The following SDK2 variants were observed in gnomAD, a reference collection of about 807,000 sequenced individuals.
The protein encoded by SDK2 is sidekick cell adhesion molecule 2.
A neutral mutation model predicts 253.9 loss-of-function variants in SDK2; 105 were observed. That is an observed-to-expected ratio of 0.41 (90% CI 0.35 to 0.49). SDK2 has a LOEUF of 0.49. Among genes scored for constraint, SDK2 ranks in the 20% least tolerant of loss-of-function variants. The pLI is 0.06. For synonymous variants in SDK2, 1,249 were observed against 1,234.9 expected, an observed-to-expected ratio of 1.01 and a Z score of -0.24; for missense variants, 2,608 against 3,003.0, an observed-to-expected ratio of 0.87 and a Z score of 3.07.
chr17:73,537,282 G>A (rs912927808), intron 1 of SDK2, among the ~76,000 whole-genome samples: 1 of 152,302 alleles, frequency 6.6e-6, no homozygotes, highest in East Asian at 1.9e-4. Flanking sequence ...AAATGGCCGC[G>A]TCTGTTAACG....
chr17:73,384,540 G>A (rs777040132), intron 32 of SDK2, among the ~76,000 whole-genome samples: 5 of 152,150 alleles, frequency 3.3e-5, no homozygotes, highest in African/African-American at 7.2e-5. Flanking sequence ...TTCCTCTCCC[G>A]TCTACAGCTT....
At chr17:73,449,602 CTTTTTTTTTTT>C (rs33923010) in intron 4 of SDK2, among the ~76,000 whole-genome samples, 3 of 94,342 alleles carry the variant, frequency 3.2e-5, no homozygotes, top group Non-Finnish European at 6.4e-5. Context: ...CCCCCCACCT[CTTTTTTTTTTT>C]TTTTTTTTTT....
At chr17:73,345,155 C>A (rs1218519978) in intron 44 of SDK2, among the ~76,000 whole-genome samples, 2 of 152,072 alleles carry the variant, frequency 1.3e-5, no homozygotes, top group African/African-American at 4.8e-5. Flanking sequence ...CCCGTCTTTA[C>A]TAAAAATACA....
chr17:73,482,220 A>G (rs1392439587), intron 2 of SDK2, among the ~76,000 whole-genome samples: 1 of 152,074 alleles, frequency 6.6e-6, no homozygotes, highest in Non-Finnish European at 1.5e-5. Context: ...GGTTGCAGTG[A>G]GCCAAGATCA....
chr17:73,595,131 G>T (rs2045737159), intron 1 of SDK2, among the ~76,000 whole-genome samples: 1 of 152,182 alleles, frequency 6.6e-6, no homozygotes, highest in Non-Finnish European at 1.5e-5. Flanking sequence ...CATTGGGTGG[G>T]CACTTGCTGA....
intron 36 of SDK2, among the ~76,000 whole-genome samples, chr17:73,370,643 T>C (rs1475406740): frequency 6.6e-6 from 1 of 152,072 alleles, no homozygotes; most frequent in Non-Finnish European, 1.5e-5. Flanking sequence ...ACTGTAACCT[T>C]GACCTCCAGG....
rs1214147862 is a variant in SDK2, at chr17:73,423,933, A to G, written c.1743T>C (p.Ser581=). The stretch of plus-strand genomic sequence containing the variant: ...GCCCTTACCTGACTCGCAGGTGGGC[A>G]CTGCGAGAGTCGTTGCCTCCTGCTG... ...VISAGGNDSR[S]AHLRVRQLPH... is the part of the protein sequence containing the mutation. Residue 581 remains serine (S), a synonymous_variant, in exon 13 of 45, where the codon AGT becomes AGC. Transcript: ENST00000392650. 3 of 1,586,578 alleles carry G rather than the reference A, an allele frequency of 1.9e-6. No homozygotes were observed. Among genetic ancestry groups the G allele is most frequent in the Non-Finnish European group, 2.6e-6 (3 of 1,166,448 alleles).
intron 1 of SDK2, among the ~76,000 whole-genome samples, chr17:73,619,669 C>A (rs1170133290): frequency 6.6e-6 from 1 of 151,874 alleles, no homozygotes; most frequent in African/African-American, 2.4e-5. Flanking sequence ...TCTTAAAATC[C>A]TTGGATTTTG....
rs186842626 is a variant in SDK2, at chr17:73,606,379, G to A, written c.64+37646C>T. 5.3e-5 allele frequency among the ~76,000 whole-genome samples: 8 copies of A among 151,832 alleles called. No homozygotes were observed. In the East Asian group the frequency reaches 5.8e-4, roughly 11 times the overall value. ...GTGGTCTGCTGAGCCCCTCCTCTGA[G>A]GGGGGGCAGGGCAGGTGCTTATGGG... On this transcript the variant is annotated intron_variant, in intron 1 of 44. Transcript: ENST00000392650.
At chr17:73,604,441 C>A (rs77808534) in intron 1 of SDK2, among the ~76,000 whole-genome samples, 1 of 152,222 alleles carries the variant, frequency 6.6e-6, no homozygotes, top group African/African-American at 2.4e-5. Context: ...CCACAAAACA[C>A]GGCATTGCAA....
intron 1 of SDK2, among the ~76,000 whole-genome samples, chr17:73,584,141 C>T (rs2045573024): frequency 6.6e-6 from 1 of 152,242 alleles, no homozygotes; most frequent in South Asian, 2.1e-4. Context: ...GCAGGCAAAA[C>T]ACCTCCCAGC....
intron 9 of SDK2, among the ~76,000 whole-genome samples, chr17:73,434,875 C>A (rs1422331826): frequency 6.6e-6 from 1 of 152,116 alleles, no homozygotes; most frequent in Non-Finnish European, 1.5e-5. Context: ...AGTGATCCAC[C>A]CCCCTCGACC....
intron 2 of SDK2, among the ~76,000 whole-genome samples, chr17:73,487,646 G>A (rs1363149786): frequency 6.6e-6 from 1 of 152,246 alleles, no homozygotes; most frequent in Non-Finnish European, 1.5e-5. Context: ...CATGTGTGGT[G>A]TTCCCAGGGT....
At chr17:73,457,467 C>T (rs372099074) in intron 3 of SDK2, among the ~76,000 whole-genome samples, 116 of 151,566 alleles carry the variant, frequency 7.7e-4, no homozygotes, top group African/African-American at 2.7e-3. Flanking sequence ...TCTCCTGCCT[C>T]AGCCTCCTGA....
chr17:73,354,379 C>T (rs907097025), intron 40 of SDK2, among the ~76,000 whole-genome samples: 21 of 152,282 alleles, frequency 1.4e-4, no homozygotes, highest in Admixed American at 2.6e-4. Flanking sequence ...CAGAGCGGTG[C>T]GGGTGCTGCC....
At chr17:73,403,180 G>C (rs2063043191) in intron 18 of SDK2, among the ~76,000 whole-genome samples, 1 of 152,200 alleles carries the variant, frequency 6.6e-6, no homozygotes, top group African/African-American at 2.4e-5. Flanking sequence ...GGGATTCCAA[G>C]CCCTGAGCTC....
At chr17:73,622,254 A>C (rs188203648) in intron 1 of SDK2, among the ~76,000 whole-genome samples, 2 of 152,304 alleles carry the variant, frequency 1.3e-5, no homozygotes, top group Admixed American at 1.3e-4. Flanking sequence ...GGAGAAAATA[A>C]CCTTTTATCT....
Position 73,465,604 on chromosome 17 carries a change from T to TG in SDK2, c.331+6507dup, listed in dbSNP as rs2063591486. Reference sequence around the variant, plus strand: ...ACTCCAAGTGGGGACAGGAAGGGGCTGGGGAGGGGGGAAGATGTTTTATTG... The same window carrying TG: ...ACTCCAAGTGGGGACAGGAAGGGGCTGGGGGAGGGGGGAAGATGTTTTATTG... On this transcript the variant is annotated intron_variant, in intron 3 of 44. Transcript: ENST00000392650. This position sits in a 1 kb window ranked among gnomAD's most constrained non-coding sequence, Gnocchi z 4.2. Among the ~76,000 whole-genome samples, 1 of 151,908 alleles carries TG rather than the reference T, an allele frequency of 6.6e-6. No homozygotes were observed. Among genetic ancestry groups the TG allele is most frequent in the African/African-American group, 2.4e-5 (1 of 41,342 alleles).
chr17:73,438,237 G>A, intron 6 of SDK2, 83 bp from the exon 7 acceptor site: 1 of 1,329,528 alleles, frequency 7.5e-7, no homozygotes, highest in Admixed American at 2.5e-5. Flanking sequence ...GGTAAGGAGT[G>A]TGGGCTTGGG....
Sources: gnomAD v4.1 joint callset for allele counts (sites outside exome capture counted in the v4.1 genomes callset) on GRCh38, gnomAD v4.1.1 for gene constraint, Gnocchi (gnomAD v3.1) non-coding constraint, MANE v1.5 for transcripts, NCBI Gene and HGNC (gene_info 2026-07-23, HGNC 2026-07-21) for gene names.